The following CNKSR3 variants were observed in gnomAD, a reference collection of about 807,000 sequenced individuals.
CNKSR3 encodes CNKSR family member 3, also known as connector enhancer of kinase suppressor of ras 3.
Under a neutral mutation model 67.7 loss-of-function variants are expected in CNKSR3, and 36 were observed. The observed-to-expected ratio is 0.53, with a 90% CI of 0.41 to 0.70. The LOEUF (loss-of-function observed/expected upper bound fraction) is 0.70. CNKSR3 is among the 30% of genes least tolerant of loss of function. The pLI, the probability that CNKSR3 is intolerant of heterozygous loss-of-function variation, is 0.00. For missense variants in CNKSR3, 630 were observed against 695.2 expected (o/e 0.91, Z 1.05); for synonymous variants, 281 against 271.4 (o/e 1.04, Z -0.35).
At chr6:154,492,305 T>A (rs564057958) in intron 1 of CNKSR3, among the ~76,000 whole-genome samples, 1 of 152,054 alleles carries the variant, frequency 6.6e-6, no homozygotes, top group African/African-American at 2.4e-5. Context: ...ATTCCTTTCC[T>A]TGTCTCCCTA....
chr6:154,458,615 C>T (rs1455072579), intron 1 of CNKSR3, among the ~76,000 whole-genome samples: 2 of 152,244 alleles, frequency 1.3e-5, no homozygotes, highest in South Asian at 4.2e-4. Flanking sequence ...TCCCTCCCTA[C>T]AGCCCCGTCC....
In CNKSR3 at chr6:154,411,094, T is replaced by C. The variant is rs1784902454; in HGVS notation, c.1119A>G (p.Gln373=). Residue 373 remains glutamine, a synonymous_variant, in exon 11 of 13, where the codon CAA becomes CAG. Coordinates refer to ENST00000607772, the MANE Select transcript of CNKSR3 (RefSeq NM_173515.4). ...FVYGGSSKCK[Q]PLPGPKGSES... is the part of the protein sequence containing the mutation. ...CTGAACCCTTAGGACCAGGCAATGG[T>C]TGTTTGCACTTACTGGACCCTCCAT... 1 of 1,614,002 alleles carries C rather than the reference T, an allele frequency of 6.2e-7. No individual in the cohort carries two copies. The highest frequency in any genetic ancestry group is 8.5e-7 in the Non-Finnish European group (1 of 1,179,974).
intron 7 of CNKSR3, among the ~76,000 whole-genome samples, chr6:154,424,364 A>AT (rs1240272305): frequency 3.9e-5 from 6 of 152,242 alleles, no homozygotes; most frequent in Admixed American, 3.9e-4. Context: ...GGTATCTCAT[A>AT]TATGACTAAG....
chr6:154,429,811 C>G (rs935009484), intron 6 of CNKSR3, among the ~76,000 whole-genome samples: 1 of 152,040 alleles, frequency 6.6e-6, no homozygotes, highest in African/African-American at 2.4e-5. Flanking sequence ...GTGCCTGGTA[C>G]TTGGCATTCA....
rs369005792 is a variant in CNKSR3, at chr6:154,428,152, G to A, written c.705C>T (p.His235=). The stretch of plus-strand genomic sequence containing the variant: ...CATTTTCTGTGGTTCCAGTAATCAC[G>A]TGTAACCCATCATAGGTTGATTTGA... ...MYIKSTYDGL[H]VITGTTENSP... Residue 235 remains histidine, a synonymous_variant, in exon 7 of 13, where the codon CAC becomes CAT. Coordinates refer to ENST00000607772, the MANE Select transcript of CNKSR3 (RefSeq NM_173515.4). The A allele has an allele frequency of 1.8e-5, 29 of 1,609,192 alleles. No homozygotes were observed. Among genetic ancestry groups the A allele is most frequent in the African/African-American group, 4.0e-5 (3 of 74,804 alleles).
intron 1 of CNKSR3, among the ~76,000 whole-genome samples, chr6:154,473,084 A>G (rs1206685673): frequency 2.0e-5 from 3 of 152,196 alleles, no homozygotes; most frequent in Non-Finnish European, 4.4e-5. Context: ...TCAGTCCCCA[A>G]AGAACCCTCC....
chr6:154,444,647 C>A (rs1785669881), intron 2 of CNKSR3, among the ~76,000 whole-genome samples: 1 of 150,216 alleles, frequency 6.7e-6, no homozygotes, highest in Non-Finnish European at 1.5e-5. Context: ...CACTCTGTCA[C>A]CAGGCTGGAG....
chr6:154,423,128 G>A, intron 7 of CNKSR3, 145 bp from the exon 8 acceptor site: 1 of 571,056 alleles, frequency 1.8e-6, no homozygotes, highest in Non-Finnish European at 3.1e-6. Context: ...ATTCCCCTGA[G>A]ACTACACAGT....
At chr6:154,435,585 T>C (rs1584080609) in intron 4 of CNKSR3, among the ~76,000 whole-genome samples, 1 of 152,196 alleles carries the variant, frequency 6.6e-6, no homozygotes, top group African/African-American at 2.4e-5. Context: ...TGAACGTGGT[T>C]CCCACACCCA....
rs1784667442 is a variant in CNKSR3, at chr6:154,396,963, C to G, written c.*9391G>C. 1 of 91,998 alleles carries G rather than the reference C, an allele frequency of 1.1e-5. No individual in the cohort carries two copies. The highest frequency in any genetic ancestry group is 3.7e-4 in the South Asian group (1 of 2,722). 5.7% of individuals were successfully genotyped at this position (91,998 alleles called of 1,614,324 possible). On this transcript the variant is annotated 3_prime_UTR_variant, in exon 13 of 13. Transcript: ENST00000607772. Reference sequence around the variant, plus strand: ...TACAGGCGCCCGCCACCACGCCCGGCTAATTTTTTTTTTTTTATATTTTTA... The same window carrying G: ...TACAGGCGCCCGCCACCACGCCCGGGTAATTTTTTTTTTTTTATATTTTTA...
chr6:154,505,412 C>G (rs964372545), intron 1 of CNKSR3, among the ~76,000 whole-genome samples: 1 of 151,492 alleles, frequency 6.6e-6, no homozygotes, highest in African/African-American at 2.4e-5. Flanking sequence ...GCACCAGAAG[C>G]TGGCCAGAGA....
chr6:154,403,225 T>G lies in CNKSR3; in HGVS notation c.*3129A>C, dbSNP rs1784735714. ...GAGTTCAAGATCAGCCTGGCCAACA[T>G]GGTGAAACTCCATCTCTACTAAAAA... On this transcript the variant is annotated 3_prime_UTR_variant, in exon 13 of 13. Transcript: ENST00000607772. 1 of 152,054 alleles carries G rather than the reference T, an allele frequency of 6.6e-6. No homozygotes were observed. Among genetic ancestry groups the G allele is most frequent in the Non-Finnish European group, 1.5e-5 (1 of 68,014 alleles). 9.4% of individuals were successfully genotyped at this position (152,054 alleles called of 1,614,324 possible).
chr6:154,461,337 G>A (rs565709780), intron 1 of CNKSR3, among the ~76,000 whole-genome samples: 4 of 152,330 alleles, frequency 2.6e-5, no homozygotes, highest in Admixed American at 6.5e-5. Flanking sequence ...TTAATGTGCA[G>A]AGTCCATTAC....
At chr6:154,483,380 T>C (rs1786605441) in intron 1 of CNKSR3, among the ~76,000 whole-genome samples, 1 of 152,186 alleles carries the variant, frequency 6.6e-6, no homozygotes, top group Admixed American at 6.5e-5. Flanking sequence ...CGAGTACACC[T>C]AGTGATTGCT....
Position 154,425,018 on chromosome 6 carries a change from C to T in CNKSR3, c.730-2035G>A, listed in dbSNP as rs1281919564. The stretch of plus-strand genomic sequence containing the variant: ...AACTCTTTACCTCAGGTAATCCGCC[C>T]GCCTTGGCCTCCCAAAGTGCTGAGA... On this transcript the variant is annotated intron_variant, in intron 7 of 12. Transcript: ENST00000607772. 5.3e-5 allele frequency among the ~76,000 whole-genome samples: 8 copies of T among 152,338 alleles called. No individual in the cohort carries two copies. The East Asian group carries it at 9.6e-4, about 18-fold the overall frequency.
intron 9 of CNKSR3, 48 bp downstream of exon 9, chr6:154,422,458 G>A (rs753485904): frequency 1.3e-6 from 2 of 1,566,798 alleles, no homozygotes; most frequent in Admixed American, 3.5e-5. Flanking sequence ...GGAGACTAAT[G>A]AGATACTCAA....
intron 1 of CNKSR3, among the ~76,000 whole-genome samples, chr6:154,493,241 G>A (rs1482188949): frequency 6.6e-6 from 1 of 152,124 alleles, no homozygotes; most frequent in Non-Finnish European, 1.5e-5. Context: ...ATTGCTCTGT[G>A]AAATCGTTCC....
At chr6:154,504,003 T>C (rs749531160) in intron 1 of CNKSR3, among the ~76,000 whole-genome samples, 9 of 152,076 alleles carry the variant, frequency 5.9e-5, no homozygotes, top group Non-Finnish European at 1.2e-4. Context: ...CTTATTAAAA[T>C]GCAGATTCTG....
chr6:154,448,283 G>A (rs1785749608), intron 2 of CNKSR3, among the ~76,000 whole-genome samples: 1 of 151,772 alleles, frequency 6.6e-6, no homozygotes, highest in Non-Finnish European at 1.5e-5. Context: ...GACCCTTCCT[G>A]CCTCTCTTAC....
Sources: allele counts gnomAD v4.1 joint callset (sites outside exome capture counted in the v4.1 genomes callset), GRCh38; gene constraint gnomAD v4.1.1; transcripts MANE v1.5; gene names NCBI Gene and HGNC (gene_info 2026-07-23, HGNC 2026-07-21).